BLOC1S6: variants seen among roughly 807,000 people sequenced by gnomAD.
BLOC1S6 encodes the protein biogenesis of lysosomal organelles complex 1 subunit 6.
BLOC1S6 carries 24 observed loss-of-function variants against 24.7 expected under a neutral mutation model. The observed-to-expected ratio is 0.97, with a 90% confidence interval of 0.70 to 1.37. BLOC1S6 has a LOEUF of 1.37. Ranked by LOEUF, BLOC1S6 falls within the 40% of genes most tolerant of loss-of-function variation. BLOC1S6 has a pLI of 0.00. For missense variants in BLOC1S6, 175 were observed against 196.2 expected (o/e 0.89, Z 0.64); for synonymous variants, 76 against 72.6 (o/e 1.05, Z -0.23).
intron 3 of BLOC1S6, among the ~76,000 whole-genome samples, chr15:45,604,231 A>T (rs1005877502): frequency 6.6e-6 from 1 of 151,728 alleles, no homozygotes; most frequent in African/African-American, 2.4e-5. Context: ...CTGGGTTTAC[A>T]TGACTGTAGC....
chr15:45,594,739 C>G (rs772998459), intron 2 of BLOC1S6, among the ~76,000 whole-genome samples: 1 of 151,956 alleles, frequency 6.6e-6, no homozygotes, highest in Non-Finnish European at 1.5e-5. Context: ...GCGCACCACT[C>G]CGCCCAGCTA....
chr15:45,606,248 C>G, intron 4 of BLOC1S6, 147 bp from the exon 5 acceptor site: 1 of 1,206,716 alleles, frequency 8.3e-7, no homozygotes, highest in East Asian at 2.3e-5. Flanking sequence ...TCAAAGGGAC[C>G]TTAAATTATC....
chr15:45,600,416 C>T (rs1045568660), intron 2 of BLOC1S6, among the ~76,000 whole-genome samples: 4 of 152,088 alleles, frequency 2.6e-5, no homozygotes, highest in Non-Finnish European at 4.4e-5. Context: ...TGTAGTTTCT[C>T]ACCCTAAATG....
At chr15:45,603,286 CT>C in intron 3 of BLOC1S6, 99 bp downstream of exon 3, 1 of 755,970 alleles carries the variant, frequency 1.3e-6, no homozygotes, top group Non-Finnish European at 2.2e-6. Flanking sequence ...TAGAATTTGT[CT>C]TTTTAACAAG....
At chr15:45,595,797 T>C (rs1415088503) in intron 2 of BLOC1S6, among the ~76,000 whole-genome samples, 2 of 152,176 alleles carry the variant, frequency 1.3e-5, no homozygotes, top group African/African-American at 4.8e-5. Flanking sequence ...CTATGATTTA[T>C]TTTGAGTTAA....
At position 45,607,782 on chromosome 15, in the gene BLOC1S6, G is replaced by GA. The variant is rs1159651449; in HGVS notation, c.*1277dup. 2.0e-5 allele frequency: 3 copies of GA among 150,946 alleles called. No individual in the cohort carries two copies. Among genetic ancestry groups the GA allele is most frequent in the Admixed American group, 6.6e-5 (1 of 15,182 alleles). 9.4% of individuals were successfully genotyped at this position (150,946 alleles called of 1,614,324 possible). ...AGCAAGACTCCGTCTCCAAAAAAAAGAAAAAAAAATTTCTTGAAGTGGAAT... is the reference window on the plus strand; with the variant it reads ...AGCAAGACTCCGTCTCCAAAAAAAAGAAAAAAAAAATTTCTTGAAGTGGAAT... On this transcript the variant is annotated 3_prime_UTR_variant, in exon 5 of 5. Transcript: ENST00000220531.
intron 1 of BLOC1S6, 168 bp downstream of exon 1, chr15:45,587,693 C>T (rs1486886042): frequency 5.4e-6 from 4 of 741,010 alleles, no homozygotes; most frequent in Non-Finnish European, 7.1e-6. Context: ...CCCCTCTGCC[C>T]AGCGCAATGG....
rs1204050668 is a variant in BLOC1S6 at position 45,590,191 on chromosome 15, CTCTA to C, written c.83-1942_83-1939del. Among the ~76,000 whole-genome samples, 498 of 151,720 alleles carry C rather than the reference CTCTA, an allele frequency of 3.3e-3. 1 individual carries two copies. The highest frequency in any genetic ancestry group is 4.9e-3 in the Non-Finnish European group (334 of 67,920). ...TTCACTTTTCTCTCTCTCTCTCTCT[CTCTA>C]TATTTTTTCTTTTTTTGGTTTTTGT... On this transcript the variant is annotated intron_variant, in intron 1 of 4. Coordinates refer to ENST00000220531, the MANE Select transcript of BLOC1S6 (RefSeq NM_012388.4).
rs1244261910 is a variant in BLOC1S6, at chr15:45,592,043, T to G, written c.83-92T>G. ...TGATCACAACCAGTTACAGATTTCT[T>G]TGTTCCTTCTCTAATCCCACTGCTT... On this transcript the variant is annotated intron_variant, in intron 1 of 4. Transcript: ENST00000220531. The G allele has an allele frequency of 2.1e-6, 3 of 1,443,490 alleles. No homozygotes were observed. The African/African-American group carries it at 4.3e-5, about 21-fold the overall frequency. 89.4% of individuals were successfully genotyped at this position (1,443,490 alleles called of 1,614,324 possible).
rs923868881 is a variant in BLOC1S6 at position 45,609,008 on chromosome 15, C to G, written c.*2494C>G. ...AATTTATTGAACAAATGACAAGGCACAAATACTTTCAGAATTGTATTTCAG... is the reference window on the plus strand; with the variant it reads ...AATTTATTGAACAAATGACAAGGCAGAAATACTTTCAGAATTGTATTTCAG... On this transcript the variant is annotated 3_prime_UTR_variant, in exon 5 of 5. Coordinates refer to ENST00000220531, the MANE Select transcript of BLOC1S6 (RefSeq NM_012388.4). 2 of 151,870 alleles carry G rather than the reference C, an allele frequency of 1.3e-5. No homozygotes were observed. Among genetic ancestry groups the G allele is most frequent in the Admixed American group, 1.3e-4 (2 of 15,256 alleles). 9.4% of individuals were successfully genotyped at this position (151,870 alleles called of 1,614,324 possible).
At chr15:45,606,207 A>G (rs1384822561) in intron 4 of BLOC1S6, among the ~76,000 whole-genome samples, 188 bp from the exon 5 acceptor site, 1 of 152,190 alleles carries the variant, frequency 6.6e-6, no homozygotes, top group African/African-American at 2.4e-5. Context: ...TTCTCATTTA[A>G]TAAGAGTTTA....
rs768978261 is a variant in BLOC1S6 at position 45,592,276 on chromosome 15, C to T, written c.224C>T (p.Thr75Ile). 1.1e-5 allele frequency: 17 copies of T among 1,613,600 alleles called. No homozygotes were observed. Among genetic ancestry groups the T allele is most frequent in the African/African-American group, 4.0e-5 (3 of 74,890 alleles). Reference sequence around the variant, plus strand: ...TCAAAACAAGCCCTCCAGGAACTCACGTAAGCTAATAAAAAACCAGATATA... The same window carrying T: ...TCAAAACAAGCCCTCCAGGAACTCATGTAAGCTAATAAAAAACCAGATATA... ...QRSKQALQEL[T>I]QNQVVLLDTL... The change falls in exon 2 of 5, where the codon ACA (threonine) becomes ATA (isoleucine). Residue 75 changes from threonine (T) to isoleucine (I), a missense_variant and splice_region_variant. Physicochemically the swap from Thr to Ile is moderately conservative, Grantham distance 89 (BLOSUM62 -1). Coordinates refer to ENST00000220531, the MANE Select transcript of BLOC1S6 (RefSeq NM_012388.4).
intron 3 of BLOC1S6, among the ~76,000 whole-genome samples, chr15:45,604,202 C>T (rs552761689): frequency 1.3e-5 from 2 of 152,172 alleles, no homozygotes; most frequent in South Asian, 4.1e-4. Context: ...GACCCCATCT[C>T]TATTAAGAAA....
intron 2 of BLOC1S6, chr15:45,602,276 C>A (rs942575592): frequency 3.3e-6 from 2 of 612,310 alleles, no homozygotes; most frequent in Admixed American, 2.8e-5. Flanking sequence ...TGAGCCTGTT[C>A]GTTGTTATTT....
rs1309330265 is a variant in BLOC1S6, at chr15:45,608,244, T to C, written c.*1730T>C. 6.5e-6 allele frequency: 1 copy of C among 152,672 alleles called. No homozygotes were observed. Among genetic ancestry groups the C allele is most frequent in the East Asian group, 1.9e-4 (1 of 5,204 alleles). 9.5% of individuals were successfully genotyped at this position (152,672 alleles called of 1,614,324 possible). A position where few individuals can be genotyped will look rare whatever the true frequency, so the allele number is the denominator to read the frequency against. ...GGAAAAGAGCATTTGCCTTCTTTAA[T>C]GAATGATGGTCTCACAATTCAGTTG... On this transcript the variant is annotated 3_prime_UTR_variant, in exon 5 of 5. Coordinates refer to ENST00000220531, the MANE Select transcript of BLOC1S6 (RefSeq NM_012388.4).
chr15:45,603,403 T>C (rs1894337491), intron 3 of BLOC1S6, among the ~76,000 whole-genome samples: 1 of 152,216 alleles, frequency 6.6e-6, no homozygotes. Context: ...CTGCTTATAA[T>C]TGAAGACTTA....
intron 2 of BLOC1S6, among the ~76,000 whole-genome samples, chr15:45,596,477 T>C (rs1369313301): frequency 1.3e-5 from 2 of 151,846 alleles, no homozygotes; most frequent in African/African-American, 4.8e-5. Flanking sequence ...GGATTACAGG[T>C]GTGAGCCACT....
Position 45,606,674 on chromosome 15 carries a change from C to A in BLOC1S6, c.*160C>A. ...CCATGCCTTTTTTCCAAGTAGCAGA[C>A]GTCATGTTGCATGGTTTTTGATATT... On this transcript the variant is annotated 3_prime_UTR_variant, in exon 5 of 5. Coordinates refer to ENST00000220531, the MANE Select transcript of BLOC1S6 (RefSeq NM_012388.4). The A allele has an allele frequency of 2.2e-6, 2 of 917,702 alleles. No individual in the cohort carries two copies. Among genetic ancestry groups the A allele is most frequent in the African/African-American group, 1.7e-5 (1 of 60,102 alleles). The allele number at this position is 917,702 out of a possible 1,614,324, so 56.8% of individuals were successfully genotyped here.
chr15:45,604,120 G>C (rs193032978), intron 3 of BLOC1S6, among the ~76,000 whole-genome samples: 1 of 152,116 alleles, frequency 6.6e-6, no homozygotes, highest in Non-Finnish European at 1.5e-5. Flanking sequence ...TGTAATCCCA[G>C]CACTTTGGGA....
Sources: gnomAD v4.1 joint callset for allele counts (sites outside exome capture counted in the v4.1 genomes callset) on GRCh38, gnomAD v4.1.1 for gene constraint, MANE v1.5 for transcripts, NCBI Gene and HGNC (gene_info 2026-07-23, HGNC 2026-07-21) for gene names.